The following HCN1 variants were observed in gnomAD, a reference collection of about 807,000 sequenced individuals.
The protein encoded by HCN1 is hyperpolarization activated cyclic nucleotide gated potassium channel 1, also known as potassium/sodium hyperpolarization-activated cyclic nucleotide-gated channel 1.
HCN1 carries 13 observed loss-of-function variants against 78.9 expected under a neutral mutation model. The observed-to-expected ratio is 0.16, with a 90% CI of 0.11 to 0.26. HCN1 has a LOEUF of 0.26. HCN1 is among the 10% of genes least tolerant of loss of function. The pLI is 1.00. For synonymous variants in HCN1, 552 were observed against 455.5 expected (o/e 1.21, Z -2.70); for missense variants, 810 against 1,154.3 (o/e 0.70, Z 4.32).
chr5:45,384,082 C>T (rs1013471809), intron 4 of HCN1, among the ~76,000 whole-genome samples: 11 of 152,110 alleles, frequency 7.2e-5, no homozygotes, highest in Non-Finnish European at 1.0e-4. Flanking sequence ...TCTCTATCTA[C>T]TAAATAGGGA....
At chr5:45,645,706 T>A in intron 1 of HCN1, 98 bp from the exon 2 acceptor site, 2 of 645,366 alleles carry the variant, frequency 3.1e-6, no homozygotes, top group Non-Finnish European at 5.1e-6. Context: ...GATCAATAAG[T>A]AAAAGAACAA....
At chr5:45,590,920 C>T (rs564220017) in intron 2 of HCN1, among the ~76,000 whole-genome samples, 2 of 152,234 alleles carry the variant, frequency 1.3e-5, no homozygotes, top group Admixed American at 6.5e-5. Context: ...CAGCCCCAAA[C>T]GCCTGGGCTC....
intron 2 of HCN1, among the ~76,000 whole-genome samples, chr5:45,544,419 A>G (rs1174831756): frequency 2.6e-5 from 4 of 152,088 alleles, no homozygotes; most frequent in African/African-American, 9.6e-5. Flanking sequence ...GTTACCTCCT[A>G]TTTGACAAAG....
At chr5:45,521,726 A>G (rs1742617500) in intron 2 of HCN1, among the ~76,000 whole-genome samples, 1 of 151,940 alleles carries the variant, frequency 6.6e-6, no homozygotes, top group Non-Finnish European at 1.5e-5. Flanking sequence ...CAGGGAGGGG[A>G]TAAAATTAAC....
At chr5:45,506,873 T>C (rs1421145517) in intron 2 of HCN1, among the ~76,000 whole-genome samples, 1 of 152,154 alleles carries the variant, frequency 6.6e-6, no homozygotes, top group East Asian at 1.9e-4. Context: ...ACATCATTAA[T>C]ATATTTATAA....
chr5:45,516,111 T>C (rs191582074), intron 2 of HCN1, among the ~76,000 whole-genome samples: 1 of 152,150 alleles, frequency 6.6e-6, no homozygotes, highest in East Asian at 1.9e-4. Flanking sequence ...TTGTTTATTG[T>C]ATCATTACAC....
At chr5:45,404,702 A>C (rs1279980545) in intron 3 of HCN1, among the ~76,000 whole-genome samples, 1 of 125,806 alleles carries the variant, frequency 7.9e-6, no homozygotes, top group Non-Finnish European at 1.7e-5. Flanking sequence ...GCAAAAAAAA[A>C]AAAAAAAAAA....
chr5:45,688,650 T>G (rs1031576361), intron 1 of HCN1, among the ~76,000 whole-genome samples: 1 of 152,038 alleles, frequency 6.6e-6, no homozygotes, highest in Non-Finnish European at 1.5e-5. Flanking sequence ...CAAAGAGAAA[T>G]GAAAACATCT....
chr5:45,450,348 T>C (rs1364771228), intron 3 of HCN1, among the ~76,000 whole-genome samples: 1 of 152,190 alleles, frequency 6.6e-6, no homozygotes, highest in East Asian at 1.9e-4. Context: ...TATTCATACA[T>C]TGATGGAAAA....
intron 1 of HCN1, among the ~76,000 whole-genome samples, chr5:45,647,639 A>T (rs1397943631): frequency 6.6e-6 from 1 of 152,088 alleles, no homozygotes; most frequent in African/African-American, 2.4e-5. Flanking sequence ...TAATCCTCAT[A>T]ATCAGTAGCC....
At chr5:45,373,272 A>G (rs1199436471) in intron 4 of HCN1, among the ~76,000 whole-genome samples, 1 of 117,858 alleles carries the variant, frequency 8.5e-6, no homozygotes, top group East Asian at 2.2e-4. Flanking sequence ...TATATTATAT[A>G]TATTTTATAT....
At chr5:45,402,842 T>TTCCTTCCTTCCTTCCTC in intron 3 of HCN1, among the ~76,000 whole-genome samples, 3 of 146,544 alleles carry the variant, frequency 2.0e-5, no homozygotes, top group African/African-American at 7.6e-5. Flanking sequence ...CTTCCTTCCT[T>TTCCTTCCTTCCTTCCTC]CCTTCCTTCC....
At chr5:45,570,921 T>A (rs953604302) in intron 2 of HCN1, among the ~76,000 whole-genome samples, 7 of 152,124 alleles carry the variant, frequency 4.6e-5, no homozygotes, top group Admixed American at 1.3e-4. Context: ...TTCTATTCTA[T>A]CATGCTCATA....
At chr5:45,438,381 A>T (rs1395403938) in intron 3 of HCN1, among the ~76,000 whole-genome samples, 1 of 152,132 alleles carries the variant, frequency 6.6e-6, no homozygotes, top group Non-Finnish European at 1.5e-5. Flanking sequence ...TCACCAGGTC[A>T]GGAGATCGAG....
intron 2 of HCN1, among the ~76,000 whole-genome samples, chr5:45,537,641 A>G (rs1184352310): frequency 6.9e-6 from 1 of 144,800 alleles, no homozygotes; most frequent in East Asian, 2.1e-4. Context: ...GGGTTCAAGC[A>G]ATTCTTCTGC....
At chr5:45,381,666 G>C (rs114399392) in intron 4 of HCN1, among the ~76,000 whole-genome samples, 1 of 151,860 alleles carries the variant, frequency 6.6e-6, no homozygotes, top group Admixed American at 6.6e-5. Flanking sequence ...CATCAATCCA[G>C]CAAGTCCTGC....
At chr5:45,596,060 TA>T (rs1413973678) in intron 2 of HCN1, among the ~76,000 whole-genome samples, 1 of 151,252 alleles carries the variant, frequency 6.6e-6, no homozygotes, top group African/African-American at 2.4e-5. Context: ...CACACCCGGC[TA>T]ATTTTTTTTT....
intron 2 of HCN1, among the ~76,000 whole-genome samples, chr5:45,610,608 A>C (rs961664774): frequency 6.7e-6 from 1 of 150,056 alleles, no homozygotes; most frequent in African/African-American, 2.4e-5. Flanking sequence ...CAGACATCTT[A>C]TGGTGAAATA....
rs547420392 is a variant in HCN1 at position 45,585,023 on chromosome 5, C to T, written c.849+60162G>A. On this transcript the variant is annotated intron_variant, in intron 2 of 7. Transcript: ENST00000303230. ...TTATGTGTCTTGGAGTTGCTCTTCTCGAGCAGTATCACTGGGGCATTCTCT... is the reference window on the plus strand; with the variant it reads ...TTATGTGTCTTGGAGTTGCTCTTCTTGAGCAGTATCACTGGGGCATTCTCT... Among the ~76,000 whole-genome samples the T allele has an allele frequency of 7.2e-5, 11 of 152,236 alleles. No homozygotes were observed. In the Middle Eastern group the frequency reaches 0.01, roughly 141 times the overall value.
Sources: allele counts gnomAD v4.1 joint callset (sites outside exome capture counted in the v4.1 genomes callset), GRCh38; gene constraint gnomAD v4.1.1; transcripts MANE v1.5; gene names NCBI Gene and HGNC (gene_info 2026-07-23, HGNC 2026-07-21).